PCDHGB5: variants seen among roughly 807,000 people sequenced by gnomAD.
PCDHGB5 encodes the protein protocadherin gamma subfamily B, 5.
PCDHGB5 carries 48 observed loss-of-function variants against 62.9 expected under a neutral mutation model. The observed-to-expected ratio is 0.76, with a 90% CI of 0.61 to 0.97. The LOEUF is 0.97. Ranked by LOEUF, PCDHGB5 falls within the 50% of genes least tolerant of loss-of-function variation. The probability of loss-of-function intolerance (pLI) is 0.00; values close to 1 mark genes in which losing one functional copy is unlikely to be tolerated. For synonymous variants in PCDHGB5, 474 were observed against 511.2 expected (o/e 0.93, Z 0.98); for missense variants, 1,118 against 1,198.6 (o/e 0.93, Z 0.99).
intron 1 of PCDHGB5, among the ~76,000 whole-genome samples, chr5:141,464,747 G>A (rs969116049): frequency 2.0e-5 from 3 of 151,812 alleles, no homozygotes; most frequent in Admixed American, 2.0e-4. Context: ...ATATCTTTTT[G>A]TTTTTTTAGA....
At chr5:141,465,757 T>C (rs2099108578) in intron 1 of PCDHGB5, among the ~76,000 whole-genome samples, 1 of 152,046 alleles carries the variant, frequency 6.6e-6, no homozygotes, top group South Asian at 2.1e-4. Context: ...ACTGGTAAAG[T>C]CATGTTTCAT....
chr5:141,415,387 G>A (rs1347191224), intron 1 of PCDHGB5: 2 of 1,614,168 alleles, frequency 1.2e-6, no homozygotes. Context: ...CGGCTTGACA[G>A]GTGTGTCCGG....
At position 141,489,083 on chromosome 5, in the gene PCDHGB5, T is replaced by G; in HGVS notation, c.2398-5724T>G. On this transcript the variant is annotated intron_variant, in intron 1 of 3. Coordinates refer to ENST00000617380, the MANE Select transcript of PCDHGB5 (RefSeq NM_018925.3). This position sits in a 1 kb window ranked among gnomAD's most constrained non-coding sequence, Gnocchi z 4.5. ...CCTCCCCCCTGCCCACCCCCGCCACTCGGTGACTAAGAACTGCTGCAAGCA... is the reference window on the plus strand; with the variant it reads ...CCTCCCCCCTGCCCACCCCCGCCACGCGGTGACTAAGAACTGCTGCAAGCA... The G allele has an allele frequency of 1.2e-5, 2 of 172,008 alleles. No individual in the cohort carries two copies. Among genetic ancestry groups the G allele is most frequent in the Non-Finnish European group, 2.1e-5 (2 of 94,012 alleles). The allele number at this position is 172,008 out of a possible 1,614,324, so 10.7% of individuals were successfully genotyped here. A position where few individuals can be genotyped will look rare whatever the true frequency, so the allele number is the denominator to read the frequency against.
chr5:141,422,746 T>G (rs763386007), intron 1 of PCDHGB5: 1 of 1,611,014 alleles, frequency 6.2e-7, no homozygotes, highest in Non-Finnish European at 8.5e-7. Context: ...CTCCTATGTC[T>G]CTATTAACTC....
intron 1 of PCDHGB5, chr5:141,412,947 C>A (rs930035804): frequency 2.1e-6 from 1 of 474,890 alleles, no homozygotes; most frequent in African/African-American, 2.0e-5. Flanking sequence ...CTCTGAGCGC[C>A]GCTGTTCACC....
At chr5:141,461,013 C>G (rs981329088) in intron 1 of PCDHGB5, among the ~76,000 whole-genome samples, 2 of 148,522 alleles carry the variant, frequency 1.3e-5, no homozygotes, top group Non-Finnish European at 3.0e-5. Flanking sequence ...ATATATATAC[C>G]ACATTTTCTT....
Position 141,476,364 on chromosome 5 carries a change from C to T in PCDHGB5, c.2398-18443C>T, listed in dbSNP as rs1462808655. The T allele has an allele frequency of 6.2e-7, 1 of 1,614,036 alleles. No homozygotes were observed. The highest frequency in any genetic ancestry group is 8.5e-7 in the Non-Finnish European group (1 of 1,180,026). Reference sequence around the variant, plus strand: ...AGATTCTTTGAGGTGAACCGGGAGACCGGAGAGATGTTTGTGAACGACCGT... The same window carrying T: ...AGATTCTTTGAGGTGAACCGGGAGATCGGAGAGATGTTTGTGAACGACCGT... On this transcript the variant is annotated intron_variant, in intron 1 of 3. Coordinates refer to ENST00000617380, the MANE Select transcript of PCDHGB5 (RefSeq NM_018925.3). This position sits in a 1 kb window ranked among gnomAD's most constrained non-coding sequence, Gnocchi z 7.6.
chr5:141,500,340 C>T (rs188966393), intron 2 of PCDHGB5, among the ~76,000 whole-genome samples: 1 of 151,950 alleles, frequency 6.6e-6, no homozygotes, highest in East Asian at 1.9e-4. Flanking sequence ...TCCAGAATAG[C>T]TGGGACTACA....
chr5:141,410,726 A>G, intron 1 of PCDHGB5: 4 of 1,376,038 alleles, frequency 2.9e-6, no homozygotes, highest in Non-Finnish European at 3.9e-6. Context: ...TTTAAAATCC[A>G]TAGCTTTTTA....
chr5:141,469,603 GTAAAA>G (rs929191572), intron 1 of PCDHGB5, among the ~76,000 whole-genome samples: 9 of 152,038 alleles, frequency 5.9e-5, no homozygotes, highest in Admixed American at 1.3e-4. Context: ...AACAAAATAA[GTAAAA>G]TAAAATAAAT....
intron 1 of PCDHGB5, among the ~76,000 whole-genome samples, chr5:141,438,596 A>G (rs1303292978): frequency 2.8e-5 from 1 of 35,176 alleles, no homozygotes; most frequent in Non-Finnish European, 6.2e-5. Context: ...ACATACATAT[A>G]TATATATATA....
chr5:141,455,158 T>TG (rs1279537888), intron 1 of PCDHGB5, among the ~76,000 whole-genome samples: 46 of 145,032 alleles, frequency 3.2e-4, no homozygotes, highest in African/African-American at 1.0e-3. Flanking sequence ...ATTAGTTTGT[T>TG]GGTTTTTTTT....
chr5:141,406,294 G>C (rs1399208737), intron 1 of PCDHGB5, among the ~76,000 whole-genome samples: 1 of 151,910 alleles, frequency 6.6e-6, no homozygotes, highest in East Asian at 1.9e-4. Flanking sequence ...CACTGGGTGA[G>C]GTGTGAACCA....
chr5:141,427,504 C>A (rs755936092), intron 1 of PCDHGB5: 8 of 579,302 alleles, frequency 1.4e-5, no homozygotes, highest in Middle Eastern at 2.7e-4. Context: ...ACAGATGGGA[C>A]CCTGGATTGG....
chr5:141,421,572 G>T, intron 1 of PCDHGB5: 1 of 1,613,954 alleles, frequency 6.2e-7, no homozygotes, highest in Admixed American at 1.7e-5. Flanking sequence ...AAGACACCTT[G>T]AAGATTTACG....
At chr5:141,409,538 A>G (rs772375542) in intron 1 of PCDHGB5, 5 of 1,613,844 alleles carry the variant, frequency 3.1e-6, no homozygotes, top group Non-Finnish European at 4.2e-6. Flanking sequence ...CGCTGACATC[A>G]ACGACAACGC....
At chr5:141,494,064 G>T (rs1233070772) in intron 1 of PCDHGB5, among the ~76,000 whole-genome samples, 2 of 152,160 alleles carry the variant, frequency 1.3e-5, no homozygotes, top group South Asian at 2.1e-4. Flanking sequence ...TGTGGGAGCT[G>T]GATCCCTCCC....
At chr5:141,423,415 G>A (rs779262475) in intron 1 of PCDHGB5, 103 of 1,614,016 alleles carry the variant, frequency 6.4e-5, no homozygotes, top group African/African-American at 1.2e-4. Context: ...GCAGGCTTCT[G>A]AAGGCGGGTT....
chr5:141,489,342 A>G lies in PCDHGB5; in HGVS notation c.2398-5465A>G. 3.7e-6 allele frequency: 6 copies of G among 1,609,084 alleles called. No homozygotes were observed. The Middle Eastern group carries it at 6.6e-4, about 178-fold the overall frequency. On this transcript the variant is annotated intron_variant, in intron 1 of 3. Transcript: ENST00000617380. The surrounding 1 kb of genome is among the most constrained non-coding windows in gnomAD (Gnocchi z 4.5). ...GGGTGTCTGGGCAGCTTCGTTACTCAGTGGTGGAGGAGTCTGAGCCGGGGA... is the reference window on the plus strand; with the variant it reads ...GGGTGTCTGGGCAGCTTCGTTACTCGGTGGTGGAGGAGTCTGAGCCGGGGA...
Sources: allele counts gnomAD v4.1 joint callset (sites outside exome capture counted in the v4.1 genomes callset), GRCh38; gene constraint gnomAD v4.1.1; non-coding constraint Gnocchi (gnomAD v3.1); transcripts MANE v1.5; gene names NCBI Gene and HGNC (gene_info 2026-07-23, HGNC 2026-07-21).